The following CNTNAP2 variants were observed in gnomAD, a reference collection of about 807,000 sequenced individuals.
CNTNAP2 encodes the protein contactin-associated protein-like 2.
Under a neutral mutation model 155.2 loss-of-function variants are expected in CNTNAP2, and 98 were observed. The observed-to-expected ratio is 0.63, with a 90% CI of 0.54 to 0.75. The LOEUF (loss-of-function observed/expected upper bound fraction) is 0.75, where lower values mean the gene tolerates loss of function less well. Ranked by LOEUF, CNTNAP2 falls within the 30% of genes least tolerant of loss-of-function variation. The pLI, the probability that CNTNAP2 is intolerant of heterozygous loss-of-function variation, is 0.00. For missense variants in CNTNAP2, 1,727 were observed against 1,688.1 expected (o/e 1.02, Z -0.40); for synonymous variants, 651 against 631.2 (o/e 1.03, Z -0.47).
At chr7:147,337,205 T>G (rs1179947356) in intron 9 of CNTNAP2, among the ~76,000 whole-genome samples, 1 of 152,026 alleles carries the variant, frequency 6.6e-6, no homozygotes, top group Non-Finnish European at 1.5e-5. Context: ...AAGGGAAGGT[T>G]AGGATGTATG....
intron 8 of CNTNAP2, chr7:147,162,017 T>G (rs1405239782): frequency 1.3e-5 from 2 of 152,180 alleles, no homozygotes; most frequent in African/African-American, 4.8e-5. Flanking sequence ...ATGGAATCTT[T>G]ACTCTTAAAC....
chr7:146,404,124 CA>C (rs1163559597), intron 1 of CNTNAP2, among the ~76,000 whole-genome samples: 46 of 72,766 alleles, frequency 6.3e-4, no homozygotes, highest in East Asian at 1.3e-3. Context: ...GACTCCGTCT[CA>C]AAAAAAAAAA....
intron 15 of CNTNAP2, 25 bp from the exon 16 acceptor site, chr7:148,118,093 T>C (rs1375444833): frequency 1.2e-6 from 2 of 1,613,480 alleles, no homozygotes; most frequent in African/African-American, 2.7e-5. Flanking sequence ...TGAGTTAACC[T>C]GATTTTTTTG....
intron 1 of CNTNAP2, among the ~76,000 whole-genome samples, chr7:146,594,495 T>C (rs754770606): frequency 6.6e-6 from 1 of 151,784 alleles, no homozygotes; most frequent in Non-Finnish European, 1.5e-5. Flanking sequence ...CAATATACAT[T>C]TTGGTATATT....
intron 15 of CNTNAP2, among the ~76,000 whole-genome samples, chr7:148,051,063 T>C (rs1051756572): frequency 1.3e-5 from 2 of 152,236 alleles, no homozygotes; most frequent in African/African-American, 4.8e-5. Flanking sequence ...ATTAGTAAAC[T>C]AAATTTCCAC....
chr7:148,134,843 T>A (rs1381799136), intron 16 of CNTNAP2, among the ~76,000 whole-genome samples: 1 of 152,162 alleles, frequency 6.6e-6, no homozygotes, highest in East Asian at 1.9e-4. Flanking sequence ...AAAACAAAAA[T>A]TCAGCTATAA....
At chr7:148,059,590 CAA>C (rs200397254) in intron 15 of CNTNAP2, among the ~76,000 whole-genome samples, 30 of 72,738 alleles carry the variant, frequency 4.1e-4, no homozygotes, top group South Asian at 1.9e-3. Context: ...AACTCTGTCT[CAA>C]AAAAAAAAAA....
chr7:146,332,394 G>A (rs1223158189), intron 1 of CNTNAP2, among the ~76,000 whole-genome samples: 1 of 152,002 alleles, frequency 6.6e-6, no homozygotes, highest in South Asian at 2.1e-4. Flanking sequence ...ATTGCCTAAA[G>A]GAAAACTTAA....
At chr7:147,676,889 A>C (rs1343017609) in intron 13 of CNTNAP2, among the ~76,000 whole-genome samples, 1 of 151,944 alleles carries the variant, frequency 6.6e-6, no homozygotes, top group East Asian at 1.9e-4. Context: ...GTATACATAC[A>C]GCATTTTCTT....
chr7:146,979,809 G>C (rs573915928), intron 3 of CNTNAP2, among the ~76,000 whole-genome samples: 9 of 152,182 alleles, frequency 5.9e-5, no homozygotes, highest in Non-Finnish European at 1.2e-4. Context: ...TGAAAACTCT[G>C]TATTACTGAC....
At chr7:146,207,203 G>A (rs545711849) in intron 1 of CNTNAP2, among the ~76,000 whole-genome samples, 87 of 152,076 alleles carry the variant, frequency 5.7e-4, no homozygotes, top group African/African-American at 2.0e-3. Context: ...ATATCTACAA[G>A]TGTAATTGGA....
intron 3 of CNTNAP2, among the ~76,000 whole-genome samples, chr7:146,846,548 TTTG>T (rs1223341014): frequency 1.3e-5 from 2 of 152,182 alleles, no homozygotes; most frequent in African/African-American, 4.8e-5. Context: ...TCCAGATCCT[TTTG>T]CATATACTGT....
intron 8 of CNTNAP2, among the ~76,000 whole-genome samples, chr7:147,292,811 C>A (rs1805343590): frequency 1.3e-5 from 2 of 152,144 alleles, no homozygotes; most frequent in South Asian, 4.1e-4. Context: ...CTCTTATTGA[C>A]CAGGCTGGAG....
chr7:146,741,011 G>A (rs1005952562), intron 1 of CNTNAP2, among the ~76,000 whole-genome samples: 3 of 152,114 alleles, frequency 2.0e-5, no homozygotes, highest in African/African-American at 7.2e-5. Context: ...TGAGGGGTCT[G>A]CTGGTGCAGA....
At chr7:148,075,503 A>G (rs1803467770) in intron 15 of CNTNAP2, among the ~76,000 whole-genome samples, 1 of 152,150 alleles carries the variant, frequency 6.6e-6, no homozygotes, top group Non-Finnish European at 1.5e-5. Context: ...GTGAAGGACC[A>G]CTTGCTCTAC....
intron 4 of CNTNAP2, among the ~76,000 whole-genome samples, chr7:147,046,956 C>T (rs542643600): frequency 2.1e-4 from 30 of 143,604 alleles, no homozygotes; most frequent in Non-Finnish European, 2.9e-4. Flanking sequence ...GGCGTGAACC[C>T]GGGAGGTGGA....
rs1796793746 is a variant in CNTNAP2, at chr7:146,471,267, C to T, written c.98-303004C>T. ...GTTTACTGGCCTTCCTCTGTCTGGC[C>T]ACATCCTGCAACATAGAAGTCACTT... is the stretch of plus-strand genomic sequence containing the variant. On this transcript the variant is annotated intron_variant, in intron 1 of 23. Coordinates refer to ENST00000361727, the MANE Select transcript of CNTNAP2 (RefSeq NM_014141.6). Among the ~76,000 whole-genome samples the T allele has an allele frequency of 2.0e-5, 3 of 152,286 alleles. No homozygotes were observed. The South Asian group carries it at 6.2e-4, about 32-fold the overall frequency.
intron 15 of CNTNAP2, among the ~76,000 whole-genome samples, chr7:148,093,520 G>C (rs1803894345): frequency 6.6e-6 from 1 of 152,190 alleles, no homozygotes; most frequent in South Asian, 2.1e-4. Flanking sequence ...GTCATTAACA[G>C]CTAATACACT....
intron 13 of CNTNAP2, among the ~76,000 whole-genome samples, chr7:147,726,112 G>A (rs1425694763): frequency 6.6e-6 from 1 of 152,010 alleles, no homozygotes; most frequent in Non-Finnish European, 1.5e-5. Flanking sequence ...GAATCAGGGG[G>A]ATAACGAGAG....
Sources: allele counts gnomAD v4.1 joint callset (sites outside exome capture counted in the v4.1 genomes callset), GRCh38; gene constraint gnomAD v4.1.1; transcripts MANE v1.5; gene names NCBI Gene and HGNC (gene_info 2026-07-23, HGNC 2026-07-21).